CAMK2D: variants seen among roughly 807,000 people sequenced by gnomAD.
CAMK2D encodes calcium/calmodulin-dependent protein kinase type II subunit delta.
In CAMK2D, 37 loss-of-function variants were observed where a neutral mutation model predicts 84.0. That is an observed-to-expected ratio of 0.44 (90% confidence interval 0.34 to 0.58). CAMK2D has a LOEUF of 0.58. Ranked by LOEUF, CAMK2D falls within the 20% of genes least tolerant of loss-of-function variation. The pLI is 0.02. For missense variants in CAMK2D, 448 were observed against 652.5 expected, an observed-to-expected ratio of 0.69 and a Z score of 3.41; for synonymous variants, 202 against 212.5, an observed-to-expected ratio of 0.95 and a Z score of 0.43.
rs199704635 is a variant in CAMK2D, at chr4:113,575,761, A to AGATTAT, written c.276-23671_276-23666dup. ...CTAATTGCCTAAATGCTTGGACATT[A>AGATTAT]GATTATAAAACCTGTTAAAATGCAT... On this transcript the variant is annotated intron_variant, in intron 4 of 20. Transcript: ENST00000511664. 3.3e-3 allele frequency among the ~76,000 whole-genome samples: 504 copies of AGATTAT among 152,264 alleles called. 4 individuals carry two copies. Among genetic ancestry groups the AGATTAT allele is most frequent in the East Asian group, 0.026 (135 of 5,178 alleles).
intron 17 of CAMK2D, 105 bp downstream of exon 17, chr4:113,465,424 A>T (rs988510561): frequency 7.0e-6 from 5 of 718,798 alleles, no homozygotes; most frequent in Non-Finnish European, 1.2e-5. Context: ...TAACATATCA[A>T]ACCTTGAATT....
intron 2 of CAMK2D, among the ~76,000 whole-genome samples, chr4:113,712,699 A>G (rs2099497624): frequency 6.6e-6 from 1 of 152,096 alleles, no homozygotes; most frequent in Non-Finnish European, 1.5e-5. Context: ...TTTATCACGT[A>G]AAAAATATAT....
intron 2 of CAMK2D, among the ~76,000 whole-genome samples, chr4:113,698,108 C>T (rs1266672664): frequency 1.3e-5 from 2 of 152,000 alleles, no homozygotes; most frequent in Non-Finnish European, 2.9e-5. Flanking sequence ...CTTTCATTAG[C>T]CTACATCATC....
At chr4:113,549,690 T>A (rs936405266) in intron 5 of CAMK2D, among the ~76,000 whole-genome samples, 2 of 152,220 alleles carry the variant, frequency 1.3e-5, no homozygotes, top group African/African-American at 4.8e-5. Context: ...CTGAACTACA[T>A]TTATTCATTG....
chr4:113,515,954 CT>C (rs1265604981), intron 9 of CAMK2D, among the ~76,000 whole-genome samples: 1 of 152,132 alleles, frequency 6.6e-6, no homozygotes, highest in African/African-American at 2.4e-5. Context: ...ACTTAACTTA[CT>C]TTTATATGAT....
chr4:113,681,875 A>AC (rs1195200895), intron 2 of CAMK2D, among the ~76,000 whole-genome samples: 11 of 152,180 alleles, frequency 7.2e-5, no homozygotes, highest in Non-Finnish European at 1.6e-4. Flanking sequence ...TTAAAAAAAA[A>AC]AAACAGCCTT....
chr4:113,683,531 C>G (rs1347869984), intron 2 of CAMK2D, among the ~76,000 whole-genome samples: 2 of 152,142 alleles, frequency 1.3e-5, no homozygotes, highest in African/African-American at 4.8e-5. Context: ...TACGGAAACA[C>G]AGATGAGAGA....
At chr4:113,479,221 G>C (rs1421158551) in intron 16 of CAMK2D, among the ~76,000 whole-genome samples, 1 of 152,220 alleles carries the variant, frequency 6.6e-6, no homozygotes, top group Non-Finnish European at 1.5e-5. Context: ...AAGTGTTTAA[G>C]TAATTTTGCA....
intron 4 of CAMK2D, among the ~76,000 whole-genome samples, chr4:113,565,572 C>A (rs2098719253): frequency 6.6e-6 from 1 of 151,350 alleles, no homozygotes; most frequent in African/African-American, 2.4e-5. Flanking sequence ...AATCGCTCGA[C>A]CCCGGGAGGC....
rs149476214 is a variant in CAMK2D, at chr4:113,463,140, TAAG to T, written c.1211+2386_1211+2388del. ...CATATATGCACACATATTTAAGTTA[TAAG>T]AAGAAGCTCCTGATATAGTTTGTCT... is the stretch of plus-strand genomic sequence containing the variant. On this transcript the variant is annotated intron_variant, in intron 17 of 20. Coordinates refer to ENST00000511664, the MANE Select transcript of CAMK2D (RefSeq NM_001321571.2). 5.0e-3 allele frequency among the ~76,000 whole-genome samples: 754 copies of T among 152,316 alleles called. 15 individuals are homozygous for T. In the East Asian group the frequency reaches 0.079, roughly 16 times the overall value.
chr4:113,508,118 A>G, intron 13 of CAMK2D: 1 of 709,484 alleles, frequency 1.4e-6, no homozygotes, highest in Non-Finnish European at 2.5e-6. Flanking sequence ...GTTGACTAAC[A>G]CTGACCTGTA....
At chr4:113,520,846 A>G (rs2154173320) in intron 8 of CAMK2D, among the ~76,000 whole-genome samples, 1 of 152,212 alleles carries the variant, frequency 6.6e-6, no homozygotes, top group Non-Finnish European at 1.5e-5. Context: ...TAGCCAACAT[A>G]GCAAGACCCT....
intron 2 of CAMK2D, among the ~76,000 whole-genome samples, chr4:113,740,027 AT>A (rs1215425179): frequency 6.6e-6 from 1 of 152,156 alleles, no homozygotes; most frequent in African/African-American, 2.4e-5. Flanking sequence ...TTATATGCAC[AT>A]GTGTTATAAT....
At chr4:113,687,768 T>C (rs887568045) in intron 2 of CAMK2D, among the ~76,000 whole-genome samples, 1 of 152,142 alleles carries the variant, frequency 6.6e-6, no homozygotes, top group Non-Finnish European at 1.5e-5. Flanking sequence ...CAAATACAAA[T>C]GGACTGTTTT....
chr4:113,760,167 C>T (rs1048344308), intron 1 of CAMK2D, among the ~76,000 whole-genome samples: 1 of 151,810 alleles, frequency 6.6e-6, no homozygotes, highest in African/African-American at 2.4e-5. Flanking sequence ...ACGGCTTGGC[C>T]CCTAGGTCCC....
chr4:113,601,205 T>C (rs1019360048), intron 4 of CAMK2D, among the ~76,000 whole-genome samples: 1 of 152,170 alleles, frequency 6.6e-6, no homozygotes, highest in African/African-American at 2.4e-5. Flanking sequence ...GGTAGAAGGA[T>C]TTAATTTGCC....
chr4:113,540,484 G>A (rs1384545154), intron 6 of CAMK2D, among the ~76,000 whole-genome samples: 1 of 152,170 alleles, frequency 6.6e-6, no homozygotes, highest in African/African-American at 2.4e-5. Flanking sequence ...CAGGCAGGGT[G>A]ATGATCTAGA....
intron 15 of CAMK2D, among the ~76,000 whole-genome samples, chr4:113,501,836 A>G (rs1393546108): frequency 6.6e-6 from 1 of 152,110 alleles, no homozygotes; most frequent in Non-Finnish European, 1.5e-5. Flanking sequence ...TGCTATTAAA[A>G]AAATTGTTCT....
intron 5 of CAMK2D, among the ~76,000 whole-genome samples, chr4:113,550,687 G>A (rs926014327): frequency 6.6e-6 from 1 of 152,188 alleles, no homozygotes; most frequent in East Asian, 1.9e-4. Flanking sequence ...TTGATTAAAA[G>A]TATTACTGTT....
Sources: gnomAD v4.1 joint callset for allele counts (sites outside exome capture counted in the v4.1 genomes callset) on GRCh38, gnomAD v4.1.1 for gene constraint, MANE v1.5 for transcripts, NCBI Gene and HGNC (gene_info 2026-07-23, HGNC 2026-07-21) for gene names.